Variants in FOXP1 observed in about 807,000 individuals in gnomAD.
FOXP1 encodes the protein forkhead box protein P1.
In FOXP1, 15 loss-of-function variants were observed where a neutral mutation model predicts 98.2. That is an observed-to-expected ratio of 0.15 (90% CI 0.10 to 0.24). The LOEUF (loss-of-function observed/expected upper bound fraction) is 0.24. Among genes scored for constraint, FOXP1 ranks in the 10% least tolerant of loss-of-function variants. The pLI, the probability that FOXP1 is intolerant of heterozygous loss-of-function variation, is 1.00. For missense variants in FOXP1, 633 were observed against 848.5 expected, an observed-to-expected ratio of 0.75 and a Z score of 3.15; for synonymous variants, 371 against 314.5, an observed-to-expected ratio of 1.18 and a Z score of -1.90.
At chr3:71,376,918 C>T (rs1338331361) in intron 3 of FOXP1, among the ~76,000 whole-genome samples, 3 of 152,004 alleles carry the variant, frequency 2.0e-5, no homozygotes, top group Admixed American at 1.3e-4. Context: ...TTATACCTAT[C>T]ATATGTATTC....
chr3:71,562,120 G>A (rs762230299), intron 2 of FOXP1, among the ~76,000 whole-genome samples: 47 of 152,142 alleles, frequency 3.1e-4, no homozygotes, highest in Non-Finnish European at 5.6e-4. Context: ...CCTCCGAGCT[G>A]TCAAGAAATG....
chr3:71,053,882 C>A, intron 7 of FOXP1, 109 bp from the exon 8 acceptor site: 1 of 1,114,920 alleles, frequency 9.0e-7, no homozygotes. Flanking sequence ...GACCAATTTC[C>A]CATGCAACAT....
intron 2 of FOXP1, among the ~76,000 whole-genome samples, chr3:71,546,983 G>A (rs2107647443): frequency 6.6e-6 from 1 of 152,282 alleles, no homozygotes. Flanking sequence ...GAGAAAGGAA[G>A]GAAGGCAATT....
chr3:71,357,168 G>A (rs907899429), intron 4 of FOXP1, among the ~76,000 whole-genome samples: 8 of 152,168 alleles, frequency 5.3e-5, no homozygotes, highest in African/African-American at 1.9e-4. Context: ...GTGTGAGTGC[G>A]TGCCACTAAG....
Position 71,360,218 on chromosome 3 carries a change from T to C in FOXP1, c.-167-974A>G, listed in dbSNP as rs2078459559. ...CCATGAGTTTTGATCTTTTAGCCTA[T>C]CTCAATGCACTCAGTAGAAGAGACA... On this transcript the variant is annotated intron_variant, in intron 3 of 20. Coordinates refer to ENST00000649528, the MANE Select transcript of FOXP1 (RefSeq NM_001349338.3). Among the ~76,000 whole-genome samples the C allele has an allele frequency of 2.0e-5, 3 of 152,214 alleles. No homozygotes were observed. The South Asian group carries it at 6.2e-4, about 31-fold the overall frequency.
intron 6 of FOXP1, among the ~76,000 whole-genome samples, chr3:71,153,534 A>G (rs1401446700): frequency 1.4e-5 from 2 of 139,482 alleles, no homozygotes; most frequent in Non-Finnish European, 3.1e-5. Flanking sequence ...AAGAATTAGT[A>G]CCATGCTTGA....
At chr3:71,399,727 A>T (rs923282142) in intron 3 of FOXP1, among the ~76,000 whole-genome samples, 6 of 152,210 alleles carry the variant, frequency 3.9e-5, no homozygotes, top group Non-Finnish European at 4.4e-5. Context: ...AGTAAAATGA[A>T]TCCAAAAGCA....
In FOXP1 at chr3:71,053,672, A is replaced by G. The variant is rs2050217633; in HGVS notation, c.384T>C (p.Val128=). ...TGAGGGCCTGCTGCTGCTGGAGGAG[A>G]ACCTGGAGCTGCTGAGGGCTCAGCA... ...QQVLSPQQLQ[V]LLQQQQALML... The change falls in exon 8 of 21, where the codon GTT becomes GTC. Residue 128 remains valine (V), a synonymous_variant. Transcript: ENST00000649528. 1.9e-6 allele frequency: 3 copies of G among 1,613,854 alleles called. No individual in the cohort carries two copies. Among genetic ancestry groups the G allele is most frequent in the Admixed American group, 1.7e-5 (1 of 59,976 alleles).
At chr3:71,513,886 C>T (rs902989083) in intron 2 of FOXP1, among the ~76,000 whole-genome samples, 3 of 152,344 alleles carry the variant, frequency 2.0e-5, no homozygotes, top group Non-Finnish European at 4.4e-5. Context: ...CACCGTCACT[C>T]GCTGTTCAGA....
At chr3:71,186,752 T>C (rs910654806) in intron 6 of FOXP1, among the ~76,000 whole-genome samples, 4 of 152,148 alleles carry the variant, frequency 2.6e-5, no homozygotes, top group South Asian at 4.1e-4. Context: ...TATAAATAAA[T>C]AGATATTTTT....
intron 13 of FOXP1, among the ~76,000 whole-genome samples, chr3:70,996,873 G>A (rs1212569006): frequency 6.6e-6 from 1 of 152,210 alleles, no homozygotes; most frequent in East Asian, 1.9e-4. Flanking sequence ...GAGAGGTCTT[G>A]TGAGTCTGAG....
chr3:71,267,553 A>G (rs2069820775), intron 5 of FOXP1, among the ~76,000 whole-genome samples: 1 of 152,234 alleles, frequency 6.6e-6, no homozygotes, highest in Non-Finnish European at 1.5e-5. Context: ...GCGATTGTAT[A>G]AGGAAGGACA....
intron 5 of FOXP1, among the ~76,000 whole-genome samples, chr3:71,213,943 C>T (rs1318738710): frequency 2.0e-5 from 3 of 152,156 alleles, no homozygotes; most frequent in Admixed American, 1.3e-4. Context: ...TCAGGTACTA[C>T]GATGATGAAT....
At chr3:71,098,221 T>A (rs997468850) in intron 7 of FOXP1, among the ~76,000 whole-genome samples, 20 of 152,246 alleles carry the variant, frequency 1.3e-4, no homozygotes, top group African/African-American at 4.8e-4. Flanking sequence ...CCTTCCTCCC[T>A]GCAAGTATAT....
At chr3:70,963,811 T>C (rs966270902) in intron 20 of FOXP1, among the ~76,000 whole-genome samples, 4 of 152,204 alleles carry the variant, frequency 2.6e-5, no homozygotes, top group African/African-American at 9.6e-5. Flanking sequence ...GTGACCACTT[T>C]CTAGTGTTTC....
rs537069504 is a variant in FOXP1 at position 71,125,325 on chromosome 3, G to A, written c.181-12688C>T. Among the ~76,000 whole-genome samples the A allele has an allele frequency of 4.6e-5, 7 of 152,216 alleles. No individual in the cohort carries two copies. The South Asian group carries it at 1.5e-3, about 32-fold the overall frequency. ...GAATCCCTTCACTGTATTCAAGAACGACATACACACAAAAAGTCCACTAAT... is the reference window on the plus strand; with the variant it reads ...GAATCCCTTCACTGTATTCAAGAACAACATACACACAAAAAGTCCACTAAT... On this transcript the variant is annotated intron_variant, in intron 6 of 20. Coordinates refer to ENST00000649528, the MANE Select transcript of FOXP1 (RefSeq NM_001349338.3).
intron 4 of FOXP1, among the ~76,000 whole-genome samples, chr3:71,311,614 T>C (rs994215824): frequency 1.3e-5 from 2 of 152,194 alleles, no homozygotes; most frequent in Non-Finnish European, 2.9e-5. Context: ...ATGGACACGC[T>C]CATCTCAAGA....
intron 5 of FOXP1, among the ~76,000 whole-genome samples, chr3:71,220,644 T>G (rs1394756046): frequency 6.6e-6 from 1 of 151,810 alleles, no homozygotes; most frequent in African/African-American, 2.4e-5. Context: ...TCCCAACTAC[T>G]TGGGAGGCTG....
chr3:71,526,158 AAACAAAC>A (rs1182060521), intron 2 of FOXP1, among the ~76,000 whole-genome samples: 1 of 147,368 alleles, frequency 6.8e-6, no homozygotes, highest in African/African-American at 2.5e-5. Context: ...ACAAACAAAC[AAACAAAC>A]AAGAGTACCG....
Sources: allele counts gnomAD v4.1 joint callset (sites outside exome capture counted in the v4.1 genomes callset), GRCh38; gene constraint gnomAD v4.1.1; transcripts MANE v1.5; gene names NCBI Gene and HGNC (gene_info 2026-07-23, HGNC 2026-07-21).